Variants in ABCB1 observed in about 807,000 individuals in gnomAD.
ABCB1 encodes the protein ATP binding cassette subfamily B member 1, also known as ATP-dependent translocase ABCB1.
ABCB1 carries 69 observed loss-of-function variants against 142.0 expected under a neutral mutation model. That is an observed-to-expected ratio of 0.49 (90% CI 0.40 to 0.59). ABCB1 has a LOEUF of 0.59. ABCB1 is among the 20% of genes least tolerant of loss of function. The pLI is 0.00. For synonymous variants in ABCB1, 532 were observed against 539.2 expected (o/e 0.99, Z 0.18); for missense variants, 1,326 against 1,554.7 (o/e 0.85, Z 2.47).
rs78369849 is a variant in ABCB1 at position 87,523,789 on chromosome 7, C to A, written c.2686-2913G>T. Among the ~76,000 whole-genome samples the A allele has an allele frequency of 5.1e-3, 777 of 152,194 alleles. 5 individuals carry two copies. The highest frequency in any genetic ancestry group is 0.018 in the African/African-American group (739 of 41,516). On this transcript the variant is annotated intron_variant, in intron 21 of 27. Transcript: ENST00000622132. ...AGATGAGATTTCAGCCTACATCAGC[C>A]GCACCACCTTGAACCAACATGCTGT...
chr7:87,550,772 C>A lies in ABCB1; in HGVS notation c.1066G>T (p.Ala356Ser), dbSNP rs777570345. Residue 356 changes from alanine (A) to serine (S), a missense_variant, in exon 10 of 28, where the codon GCA (alanine) becomes TCA (serine). Transcript: ENST00000622132. ...GQASPSIEAFANARGAAYEIF... is the reference protein window; with the variant it reads ...GQASPSIEAFSNARGAAYEIF... ...TCATAAGCTGCTCCTCTTGCATTTG[C>A]AAATGCTTCAATGCTTGGAGATGCC... is the stretch of plus-strand genomic sequence containing the variant. The A allele has an allele frequency of 6.2e-7, 1 of 1,613,878 alleles. No individual in the cohort carries two copies. The highest frequency in any genetic ancestry group is 8.5e-7 in the Non-Finnish European group (1 of 1,179,910).
At chr7:87,655,753 A>C (rs975315519) in intron 1 of ABCB1, among the ~76,000 whole-genome samples, 1 of 152,094 alleles carries the variant, frequency 6.6e-6, no homozygotes, top group Non-Finnish European at 1.5e-5. Context: ...CTGTGGTTTA[A>C]ATGTGTCCCC....
intron 1 of ABCB1, among the ~76,000 whole-genome samples, chr7:87,708,922 T>C (rs1003946874): frequency 6.6e-6 from 1 of 152,154 alleles, no homozygotes; most frequent in African/African-American, 2.4e-5. Flanking sequence ...CTTGATTACT[T>C]TTACTTATTT....
At chr7:87,574,941 C>G (rs1020787457) in intron 4 of ABCB1, among the ~76,000 whole-genome samples, 2 of 152,170 alleles carry the variant, frequency 1.3e-5, no homozygotes, top group Non-Finnish European at 2.9e-5. Flanking sequence ...TCTGCTATAA[C>G]TTAGCATATT....
Position 87,549,440 on chromosome 7 carries a change from G to A in ABCB1, c.1633C>T (p.Leu545=). The stretch of plus-strand genomic sequence containing the variant: ...AGGAGGATCTTGGGGTTGCGAACCA[G>A]GGCACGTGCAATGGCGATCCTCTGC... ...QKQRIAIARA[L]VRNPKILLLD... is the part of the protein sequence containing the mutation. Residue 545 remains leucine (L), a synonymous_variant, in exon 14 of 28, where the codon CTG becomes TTG. Coordinates refer to ENST00000622132, the MANE Select transcript of ABCB1 (RefSeq NM_001348946.2). 1 of 1,614,164 alleles carries A rather than the reference G, an allele frequency of 6.2e-7. No individual in the cohort carries two copies. The highest frequency in any genetic ancestry group is 8.5e-7 in the Non-Finnish European group (1 of 1,180,034).
At chr7:87,571,198 T>C (rs1818037209) in intron 4 of ABCB1, among the ~76,000 whole-genome samples, 1 of 152,164 alleles carries the variant, frequency 6.6e-6, no homozygotes, top group East Asian at 1.9e-4. Flanking sequence ...GTGAACAATA[T>C]GGACAAAAGT....
At chr7:87,688,397 T>A (rs1827684863) in intron 1 of ABCB1, among the ~76,000 whole-genome samples, 1 of 151,930 alleles carries the variant, frequency 6.6e-6, no homozygotes, top group Non-Finnish European at 1.5e-5. Flanking sequence ...TATATACACA[T>A]AATCTTATGT....
At chr7:87,594,876 T>C (rs542815725) in intron 3 of ABCB1, among the ~76,000 whole-genome samples, 11 of 152,222 alleles carry the variant, frequency 7.2e-5, no homozygotes, top group African/African-American at 2.6e-4. Context: ...ATCTATCCAC[T>C]CCCTTACCTT....
chr7:87,516,458 C>G (rs906031412), intron 24 of ABCB1, 51 bp downstream of exon 24: 35 of 1,610,630 alleles, frequency 2.2e-5, no homozygotes, highest in Non-Finnish European at 3.0e-5. Context: ...ACTTAAAATA[C>G]TTTCATTCAG....
intron 1 of ABCB1, among the ~76,000 whole-genome samples, chr7:87,623,778 T>A (rs1820311328): frequency 6.6e-6 from 1 of 152,146 alleles, no homozygotes; most frequent in South Asian, 2.1e-4. Context: ...ATTACTAACC[T>A]TTCCCTCCCA....
At chr7:87,544,788 T>C (rs1379363953) in intron 16 of ABCB1, 35 bp downstream of exon 16, 4 of 1,611,232 alleles carry the variant, frequency 2.5e-6, no homozygotes, top group Non-Finnish European at 3.4e-6. Flanking sequence ...CCACAGTTAG[T>C]GAGATTAAAA....
chr7:87,536,363 T>C (rs1403678100), intron 20 of ABCB1, 95 bp downstream of exon 20: 1 of 1,071,320 alleles, frequency 9.3e-7, no homozygotes, highest in Admixed American at 1.7e-5. Flanking sequence ...ATTTTCTTAA[T>C]GATGATAACT....
chr7:87,546,083 C>T (rs958368684), intron 14 of ABCB1, 59 bp from the exon 15 acceptor site: 1 of 1,547,674 alleles, frequency 6.5e-7, no homozygotes, highest in Non-Finnish European at 8.9e-7. Flanking sequence ...GAAACTTAAC[C>T]ATTCAACATA....
intron 23 of ABCB1, among the ~76,000 whole-genome samples, chr7:87,517,530 C>A (rs573726300): frequency 6.0e-4 from 91 of 152,256 alleles, no homozygotes; most frequent in African/African-American, 2.2e-3. Flanking sequence ...TATGCCTAAT[C>A]CAGATCAGTA....
At position 87,626,100 on chromosome 7, in the gene ABCB1, T is replaced by TA. The variant is rs1563079546; in HGVS notation, c.-330-25023_-330-25022insT. 1.6e-3 allele frequency among the ~76,000 whole-genome samples: 148 copies of TA among 90,884 alleles called. 4 individuals carry two copies. The highest frequency in any genetic ancestry group is 5.9e-3 in the Middle Eastern group (1 of 170). The allele number at this position is 90,884 out of a possible 152,430, so 59.6% of individuals were successfully genotyped here. ...GACATATATATATATATATATATAT[T>TA]GTCATATATATGTGTCATATATATT... is the stretch of plus-strand genomic sequence containing the variant. On this transcript the variant is annotated intron_variant, in intron 1 of 28. Coordinates refer to the ABCB1 transcript ENST00000265724.
At chr7:87,552,962 C>A (rs1299218961) in intron 9 of ABCB1, among the ~76,000 whole-genome samples, 2 of 152,162 alleles carry the variant, frequency 1.3e-5, no homozygotes, top group Admixed American at 1.3e-4. Flanking sequence ...AATGGCAAGA[C>A]TTCTGTGCTT....
chr7:87,644,207 A>G (rs1238232756), intron 1 of ABCB1, among the ~76,000 whole-genome samples: 1 of 152,238 alleles, frequency 6.6e-6, no homozygotes, highest in Non-Finnish European at 1.5e-5. Context: ...GATGTAAAAT[A>G]TAAGAGAGAA....
At chr7:87,511,177 ATTCT>A (rs1204251523) in intron 25 of ABCB1, among the ~76,000 whole-genome samples, 2 of 152,196 alleles carry the variant, frequency 1.3e-5, no homozygotes, top group Non-Finnish European at 2.9e-5. Context: ...TGACTGAAGA[ATTCT>A]TTCTTTAAGT....
At chr7:87,520,115 T>C (rs1584841210) in intron 22 of ABCB1, among the ~76,000 whole-genome samples, 1 of 152,174 alleles carries the variant, frequency 6.6e-6, no homozygotes, top group Non-Finnish European at 1.5e-5. Flanking sequence ...TGGGCAGCCC[T>C]GGGCTTCCAA....
Sources: allele counts gnomAD v4.1 joint callset (sites outside exome capture counted in the v4.1 genomes callset), GRCh38; gene constraint gnomAD v4.1.1; transcripts MANE v1.5; gene names NCBI Gene and HGNC (gene_info 2026-07-23, HGNC 2026-07-21).